Variants in SLC29A2 observed in about 807,000 individuals in gnomAD.
SLC29A2 encodes the protein solute carrier family 29 member 2, also known as equilibrative nucleoside transporter 2.
A neutral mutation model predicts 48.8 loss-of-function variants in SLC29A2; 37 were observed. The observed-to-expected ratio is 0.76, with a 90% CI of 0.58 to 1.00. The LOEUF is 1.00. Among genes scored for constraint, SLC29A2 ranks in the 50% least tolerant of loss-of-function variants. SLC29A2 has a pLI of 0.00. For synonymous variants in SLC29A2, 233 were observed against 261.7 expected (o/e 0.89, Z 1.06); for missense variants, 533 against 578.6 (o/e 0.92, Z 0.81).
At chr11:66,371,763 G>T (rs1856061582), upstream of SLC29A2, 2 of 633,638 alleles carry the variant, frequency 3.2e-6, no homozygotes, top group Non-Finnish European at 5.4e-6. Flanking sequence ...CGTGTCTCGC[G>T]CTCCGCAGGC....
Position 66,366,485 on chromosome 11 carries a change from C to G in SLC29A2, c.813G>C (p.Glu271Asp). 1.2e-6 allele frequency: 2 copies of G among 1,614,152 alleles called. No homozygotes were observed. The highest frequency in any genetic ancestry group is 1.7e-6 in the Non-Finnish European group (2 of 1,180,040). Residue 271 changes from glutamate (E) to aspartate (D), a missense_variant, in exon 8 of 12, where the codon GAG (glutamate) becomes GAC (aspartate). By Grantham distance (45) the Glu-to-Asp change is conservative (BLOSUM62 2). Coordinates refer to ENST00000357440, the MANE Select transcript of SLC29A2 (RefSeq NM_001532.3). ...DLDLEKEPES[E>D]PDEPQKPGKP... ...TTCCTGGCTTCTGGGGCTCATCTGG[C>G]TCTGATTCCGGCTCCTTCTCCAGGT...
rs945232397 is a variant in SLC29A2, at chr11:66,368,955, G to A, written c.415+105C>T. The A allele has an allele frequency of 3.5e-5, 49 of 1,417,620 alleles. No individual in the cohort carries two copies. In the African/African-American group the frequency reaches 4.6e-4, roughly 13 times the overall value. 87.8% of individuals were successfully genotyped at this position (1,417,620 alleles called of 1,614,324 possible). On this transcript the variant is annotated intron_variant, in intron 4 of 11. Coordinates refer to ENST00000357440, the MANE Select transcript of SLC29A2 (RefSeq NM_001532.3). ...CAGTTTCTTCACCAGGGATATGAGC[G>A]ACCATGATGCTGTCTGCCCTTCTCG...
chr11:66,365,846 C>A (rs1855654747), intron 10 of SLC29A2, 90 bp downstream of exon 10: 1 of 1,274,396 alleles, frequency 7.8e-7, no homozygotes, highest in African/African-American at 1.5e-5. Context: ...GCCATTTGGA[C>A]TACCAGAAAA....
chr11:66,369,772 G>A (rs746417725), intron 2 of SLC29A2, among the ~76,000 whole-genome samples: 6 of 152,140 alleles, frequency 3.9e-5, no homozygotes, highest in South Asian at 4.1e-4. Flanking sequence ...AGCCTTGGAC[G>A]GCCCCTCCTC....
chr11:66,363,989 G>A (rs1407486262), intron 11 of SLC29A2, among the ~76,000 whole-genome samples: 1 of 152,090 alleles, frequency 6.6e-6, no homozygotes, highest in Non-Finnish European at 1.5e-5. Context: ...GGCACATTGA[G>A]GCGGCCCCAG....
rs35962792 is a variant in SLC29A2 at position 66,370,858 on chromosome 11, CAA to C, written c.111+384_111+385del. On this transcript the variant is annotated intron_variant, in intron 2 of 11. Transcript: ENST00000357440. ...TGGGCGAAAGAGCCAGACTCTGTCT[CAA>C]AAAAAAAAAAAAAAAAAAAGTTTGT... is the stretch of plus-strand genomic sequence containing the variant. Among the ~76,000 whole-genome samples the C allele has an allele frequency of 1.3e-3, 121 of 92,208 alleles. No individual in the cohort carries two copies. The Middle Eastern group carries it at 0.015, about 12-fold the overall frequency. The allele number at this position is 92,208 out of a possible 152,430, so 60.5% of individuals were successfully genotyped here.
In SLC29A2 at chr11:66,365,896, C is replaced by T. The variant is rs757513291; in HGVS notation, c.1059+40G>A. On this transcript the variant is annotated intron_variant, in intron 10 of 11. Coordinates refer to ENST00000357440, the MANE Select transcript of SLC29A2 (RefSeq NM_001532.3). ...TTTCAAGCCCTCGGATCCCAAACTG[C>T]TTCCTAAAACATCGGATCACCCAGC... The T allele has an allele frequency of 2.5e-6, 4 of 1,585,886 alleles. No individual in the cohort carries two copies. The Admixed American group carries it at 5.0e-5, about 20-fold the overall frequency.
intron 5 of SLC29A2, 36 bp from the exon 6 acceptor site, chr11:66,367,905 T>C (rs1855801714): frequency 1.3e-6 from 2 of 1,572,546 alleles, no homozygotes; most frequent in East Asian, 4.5e-5. Context: ...GAGAGGCACC[T>C]GGTCCCGCCG....
rs1590651829 is a variant in SLC29A2 at position 66,366,112 on chromosome 11, A to G, written c.973+14T>C. The G allele has an allele frequency of 1.9e-6, 3 of 1,611,672 alleles. No individual in the cohort carries two copies. Among genetic ancestry groups the G allele is most frequent in the Non-Finnish European group, 2.5e-6 (3 of 1,178,262 alleles). The stretch of plus-strand genomic sequence containing the variant: ...TACCCCCTGCCCTGCCGTCTTCTCC[A>G]CCCTGACACTCACTCCACTTCCCAG... On this transcript the variant is annotated intron_variant, in intron 9 of 11. Transcript: ENST00000357440.
chr11:66,368,404 C>T, intron 5 of SLC29A2, 133 bp downstream of exon 5: 1 of 1,222,660 alleles, frequency 8.2e-7, no homozygotes, highest in South Asian at 1.3e-5. Flanking sequence ...AGCCCCAGAC[C>T]CAATCCCCAT....
intron 7 of SLC29A2, 122 bp from the exon 8 acceptor site, chr11:66,366,686 A>C: frequency 7.3e-6 from 8 of 1,097,382 alleles, no homozygotes; most frequent in South Asian, 1.5e-5. Flanking sequence ...ATGGTGGCTC[A>C]CGCCTGTAAT....
Position 66,368,654 on chromosome 11 carries a change from G to GT in SLC29A2, c.432dup (p.Gln145ThrfsTer82). The GT allele has an allele frequency of 6.2e-7, 1 of 1,600,652 alleles. No individual in the cohort carries two copies. The highest frequency in any genetic ancestry group is 1.3e-5 in the African/African-American group (1 of 74,866). The stretch of plus-strand genomic sequence containing the variant: ...CCCAGCTGCCCGAAGAGGCTGCCCT[G>GT]TAGGACTGCACTGAAGGCTGTGGAG... On this transcript the variant is annotated frameshift_variant, in exon 5 of 12. Coordinates refer to ENST00000357440, the MANE Select transcript of SLC29A2 (RefSeq NM_001532.3). LOFTEE classifies it high-confidence loss of function.
intron 5 of SLC29A2, 136 bp from the exon 6 acceptor site, chr11:66,368,005 C>G: frequency 1.4e-6 from 1 of 730,354 alleles, no homozygotes; most frequent in South Asian, 1.5e-5. Context: ...CCTTCACTGA[C>G]AAATGGGAAT....
In SLC29A2 at chr11:66,371,554, C is replaced by G. The variant is rs201771284; in HGVS notation, c.29+9G>C. On this transcript the variant is annotated intron_variant, in intron 1 of 11. Transcript: ENST00000357440. ...CCCGGCCACTTGCAACGCACCCGGGCCCACTCACCTGTCCCGCGGGGCGTC... is the reference window on the plus strand; with the variant it reads ...CCCGGCCACTTGCAACGCACCCGGGGCCACTCACCTGTCCCGCGGGGCGTC... The G allele has an allele frequency of 3.2e-6, 5 of 1,550,466 alleles. No individual in the cohort carries two copies. The African/African-American group carries it at 6.8e-5, about 21-fold the overall frequency.
chr11:66,364,113 T>C, intron 11 of SLC29A2, 112 bp downstream of exon 11: 1 of 910,432 alleles, frequency 1.1e-6, no homozygotes, highest in Admixed American at 2.1e-5. Flanking sequence ...ACAGCTAGGG[T>C]TGGGCTGGCC....
intron 10 of SLC29A2, among the ~76,000 whole-genome samples, chr11:66,365,077 TTA>T (rs2134996335): frequency 6.6e-6 from 1 of 151,860 alleles, no homozygotes; most frequent in East Asian, 1.9e-4. Context: ...CTGCTAATTG[TTA>T]TCTTTTTAGT....
rs1363590068 is a variant in SLC29A2, at chr11:66,371,315, C to A, written c.40G>T (p.Val14Phe). The A allele has an allele frequency of 1.2e-6, 2 of 1,613,864 alleles. No homozygotes were observed. Among genetic ancestry groups the A allele is most frequent in the South Asian group, 1.1e-5 (1 of 91,080 alleles). ...CCCAGGATGAAGAAGCTGATCCCGA[C>A]CAGGTGGTAGCTGTGGGGATCGGTG... ...GDAPRDSYHLVGISFFILGLG... is the reference protein window; with the variant it reads ...GDAPRDSYHLFGISFFILGLG... Residue 14 changes from valine to phenylalanine, a missense_variant, in exon 2 of 12, where the codon GTC becomes TTC. Coordinates refer to ENST00000357440, the MANE Select transcript of SLC29A2 (RefSeq NM_001532.3).
chr11:66,368,942 C>T lies in SLC29A2; in HGVS notation c.415+118G>A, dbSNP rs1263477045. ...TCCCTGTGGGCCTCAGTTTCTTCAC[C>T]AGGGATATGAGCGACCATGATGCTG... On this transcript the variant is annotated intron_variant, in intron 4 of 11. Transcript: ENST00000357440. The T allele has an allele frequency of 8.7e-6, 12 of 1,372,422 alleles. No individual in the cohort carries two copies. The East Asian group carries it at 2.8e-4, about 31-fold the overall frequency. The allele number at this position is 1,372,422 out of a possible 1,614,324, so 85.0% of individuals were successfully genotyped here.
intron 10 of SLC29A2, 51 bp from the exon 11 acceptor site, chr11:66,364,475 C>T (rs375382507): frequency 7.3e-7 from 1 of 1,366,048 alleles, no homozygotes; most frequent in Non-Finnish European, 1.0e-6. Context: ...GTCTCTGCTC[C>T]AGGGCATCTC....
Sources: allele counts gnomAD v4.1 joint callset (sites outside exome capture counted in the v4.1 genomes callset), GRCh38; gene constraint gnomAD v4.1.1; transcripts MANE v1.5; gene names NCBI Gene and HGNC (gene_info 2026-07-23, HGNC 2026-07-21).